The following DIP2B variants were observed in gnomAD, a reference collection of about 807,000 sequenced individuals.
The protein encoded by DIP2B is DIP2 acetate--CoA ligase B (putative).
In DIP2B, 76 loss-of-function variants were observed where a neutral mutation model predicts 198.0. That is an observed-to-expected ratio of 0.38 (90% CI 0.32 to 0.46). The LOEUF (loss-of-function observed/expected upper bound fraction) is 0.46, where lower values mean the gene tolerates loss of function less well. Among genes scored for constraint, DIP2B ranks in the 20% least tolerant of loss-of-function variants. DIP2B has a pLI of 0.99. For missense variants in DIP2B, 1,559 were observed against 1,978.4 expected (o/e 0.79, Z 4.02); for synonymous variants, 701 against 739.1 (o/e 0.95, Z 0.84).
intron 1 of DIP2B, among the ~76,000 whole-genome samples, chr12:50,561,616 TATTG>T (rs149478204): frequency 0.072 from 10,901 of 152,192 alleles, 815 homozygotes; most frequent in East Asian, 0.36. Context: ...TTTGTTGTAT[TATTG>T]ATTGATTGAG....
In DIP2B at chr12:50,745,059, A is replaced by G. The variant is rs139361625; in HGVS notation, c.*220A>G. The stretch of plus-strand genomic sequence containing the variant: ...ACATTTGGTAGACATGTGCTTTGAC[A>G]TAGCGTGAGCAGCACATTACTAAAG... On this transcript the variant is annotated 3_prime_UTR_variant, in exon 38 of 38. Coordinates refer to ENST00000301180, the MANE Select transcript of DIP2B (RefSeq NM_173602.3). 12 of 597,304 alleles carry G rather than the reference A, an allele frequency of 2.0e-5. No individual in the cohort carries two copies. The highest frequency in any genetic ancestry group is 4.6e-4 in the Middle Eastern group (1 of 2,182). 37.0% of individuals were successfully genotyped at this position (597,304 alleles called of 1,614,324 possible).
At chr12:50,522,938 G>A (rs1024050919) in intron 1 of DIP2B, among the ~76,000 whole-genome samples, 5 of 152,040 alleles carry the variant, frequency 3.3e-5, no homozygotes, top group Non-Finnish European at 7.4e-5. Flanking sequence ...CATTGGTGAG[G>A]AGAAAAATAT....
intron 12 of DIP2B, among the ~76,000 whole-genome samples, chr12:50,690,307 C>T (rs1490670996): frequency 2.6e-5 from 4 of 152,160 alleles, no homozygotes; most frequent in Admixed American, 6.5e-5. Context: ...AGGGTGGTCT[C>T]GATCTCCTGA....
At chr12:50,680,546 A>G in intron 8 of DIP2B, 126 bp from the exon 9 acceptor site, 1 of 811,722 alleles carries the variant, frequency 1.2e-6, no homozygotes, top group Non-Finnish European at 2.0e-6. Context: ...AATGACACTC[A>G]TCTAACCCAT....
At chr12:50,558,844 C>T (rs1958493506) in intron 1 of DIP2B, among the ~76,000 whole-genome samples, 1 of 152,274 alleles carries the variant, frequency 6.6e-6, no homozygotes, top group South Asian at 2.1e-4. Flanking sequence ...CCAGTTCCCT[C>T]TGGAAATGGG....
At chr12:50,589,795 G>C (rs1358704685) in intron 1 of DIP2B, among the ~76,000 whole-genome samples, 3 of 152,094 alleles carry the variant, frequency 2.0e-5, no homozygotes, top group Admixed American at 2.0e-4. Context: ...AAACAACTGA[G>C]TAATTTAGGA....
At chr12:50,716,958 C>CTTGTTTTTTTTTT (rs1939731862) in intron 23 of DIP2B, among the ~76,000 whole-genome samples, 1 of 58,924 alleles carries the variant, frequency 1.7e-5, no homozygotes, top group African/African-American at 6.2e-5. Flanking sequence ...CGAATTGTTG[C>CTTGTTTTTTTTTT]TTTTTTTTTT....
intron 1 of DIP2B, among the ~76,000 whole-genome samples, chr12:50,593,130 C>A (rs1486125696): frequency 6.6e-6 from 1 of 152,186 alleles, no homozygotes; most frequent in African/African-American, 2.4e-5. Flanking sequence ...GAATTAAAAC[C>A]CATACAATAA....
intron 5 of DIP2B, among the ~76,000 whole-genome samples, chr12:50,673,581 G>T (rs1231030188): frequency 6.6e-6 from 1 of 152,164 alleles, no homozygotes; most frequent in Non-Finnish European, 1.5e-5. Flanking sequence ...GAGCCCAGGA[G>T]TTCGAGACCA....
chr12:50,643,448 TG>T (rs1938296259), intron 3 of DIP2B, among the ~76,000 whole-genome samples: 1 of 148,606 alleles, frequency 6.7e-6, no homozygotes, highest in Non-Finnish European at 1.5e-5. Context: ...TGTGTGTGTG[TG>T]TGTTTTAAAG....
chr12:50,706,256 G>A (rs1399367843), intron 20 of DIP2B, among the ~76,000 whole-genome samples: 3 of 152,084 alleles, frequency 2.0e-5, no homozygotes, highest in African/African-American at 7.2e-5. Context: ...TGCTTGGGTG[G>A]AATCCTAGTT....
intron 16 of DIP2B, among the ~76,000 whole-genome samples, chr12:50,696,656 G>A (rs545002229): frequency 1.3e-5 from 2 of 152,268 alleles, no homozygotes; most frequent in South Asian, 4.1e-4. Flanking sequence ...TTAAAACACA[G>A]ACATGGGCTT....
At chr12:50,544,463 C>T (rs570295561) in intron 1 of DIP2B, among the ~76,000 whole-genome samples, 5 of 152,160 alleles carry the variant, frequency 3.3e-5, no homozygotes, top group Middle Eastern at 3.4e-3. Context: ...CCTGCCACTA[C>T]GCCCAGCTAA....
intron 1 of DIP2B, among the ~76,000 whole-genome samples, chr12:50,509,284 G>A (rs938517577): frequency 6.6e-6 from 1 of 152,178 alleles, no homozygotes; most frequent in African/African-American, 2.4e-5. Flanking sequence ...TTATAAATAC[G>A]AGATTGGATT....
In DIP2B at chr12:50,748,269, G is replaced by C. The variant is rs1046224208; in HGVS notation, c.*3430G>C. 6.6e-6 allele frequency: 1 copy of C among 152,634 alleles called. No homozygotes were observed. The highest frequency in any genetic ancestry group is 1.5e-5 in the Non-Finnish European group (1 of 68,034). The allele number at this position is 152,634 out of a possible 1,614,324, so 9.5% of individuals were successfully genotyped here. A position where few individuals can be genotyped will look rare whatever the true frequency, so the allele number is the denominator to read the frequency against. The stretch of plus-strand genomic sequence containing the variant: ...CCAACAAGATCTATGCCTTAGTGTT[G>C]TTTTTGTTGTCTGCTTTGATGTAAA... On this transcript the variant is annotated 3_prime_UTR_variant, in exon 38 of 38. Transcript: ENST00000301180.
At chr12:50,629,866 C>T (rs746921368) in intron 2 of DIP2B, among the ~76,000 whole-genome samples, 1 of 151,976 alleles carries the variant, frequency 6.6e-6, no homozygotes, top group Non-Finnish European at 1.5e-5. Context: ...TCATCCTCAA[C>T]GTCCCTGTCT....
chr12:50,652,959 A>G lies in DIP2B; in HGVS notation c.302-7235A>G, dbSNP rs550688434. The stretch of plus-strand genomic sequence containing the variant: ...GAAACACAACTGTTTTTTTTTTTTT[A>G]AAGAAACGGGGTCTCCCTCTGTTGC... On this transcript the variant is annotated intron_variant, in intron 3 of 37. Coordinates refer to ENST00000301180, the MANE Select transcript of DIP2B (RefSeq NM_173602.3). Among the ~76,000 whole-genome samples the G allele has an allele frequency of 5.3e-5, 7 of 131,828 alleles. No individual in the cohort carries two copies. In the South Asian group the frequency reaches 1.5e-3, roughly 28 times the overall value. The allele number at this position is 131,828 out of a possible 152,430, so 86.5% of individuals were successfully genotyped here.
intron 1 of DIP2B, among the ~76,000 whole-genome samples, chr12:50,574,457 C>A (rs535447715): frequency 6.6e-6 from 1 of 152,172 alleles, no homozygotes; most frequent in Non-Finnish European, 1.5e-5. Flanking sequence ...TCAGACCTAC[C>A]CCGTGGGCAC....
chr12:50,610,599 G>A (rs1219978864), intron 1 of DIP2B, among the ~76,000 whole-genome samples: 4 of 150,620 alleles, frequency 2.7e-5, no homozygotes, highest in African/African-American at 7.3e-5. Context: ...TCCACCTCCC[G>A]GGTTCACGCC....
Sources: gnomAD v4.1 joint callset for allele counts (sites outside exome capture counted in the v4.1 genomes callset) on GRCh38, gnomAD v4.1.1 for gene constraint, MANE v1.5 for transcripts, NCBI Gene and HGNC (gene_info 2026-07-23, HGNC 2026-07-21) for gene names.